The following PM20D2 variants were observed in gnomAD, a reference collection of about 807,000 sequenced individuals.
PM20D2 encodes xaa-Arg dipeptidase.
A neutral mutation model predicts 42.9 loss-of-function variants in PM20D2; 33 were observed. That is an observed-to-expected ratio of 0.77 (90% CI 0.58 to 1.03). The LOEUF is 1.03. PM20D2 is among the 50% of genes least tolerant of loss of function. PM20D2 has a pLI of 0.00. For missense variants in PM20D2, 548 were observed against 557.0 expected, an observed-to-expected ratio of 0.98 and a Z score of 0.16; for synonymous variants, 250 against 228.2, an observed-to-expected ratio of 1.10 and a Z score of -0.86.
chr6:89,115,636 T>A, the PM20D2 span, among the ~76,000 whole-genome samples: 4 of 143,844 alleles, frequency 2.8e-5, no homozygotes, highest in South Asian at 8.8e-4. Flanking sequence ...TCTTTCTTTT[T>A]TTTTTTTTTT....
the PM20D2 span, among the ~76,000 whole-genome samples, chr6:89,106,447 A>G: frequency 6.6e-6 from 1 of 152,206 alleles, no homozygotes; most frequent in Non-Finnish European, 1.5e-5. Flanking sequence ...GGATATAAAT[A>G]TAAAAGAAAC....
chr6:89,157,311 T>C (rs1771082199), intron 4 of PM20D2, among the ~76,000 whole-genome samples: 1 of 152,182 alleles, frequency 6.6e-6, no homozygotes, highest in Non-Finnish European at 1.5e-5. Context: ...TGTCATAATT[T>C]CTACCGTAGA....
At position 89,162,218 on chromosome 6, in the gene PM20D2, T is replaced by G. The variant is rs144587816; in HGVS notation, c.1266T>G (p.Phe422Leu). Residue 422 changes from phenylalanine (F) to leucine (L), a missense_variant, in exon 7 of 7, where the codon TTT (phenylalanine) becomes TTG (leucine). Around this residue, in one of 3 missense-constraint regions of PM20D2, gnomAD observed 71 missense variants for 69.7 expected, o/e 1.02. Coordinates refer to ENST00000275072, the MANE Select transcript of PM20D2 (RefSeq NM_001010853.3). ...PELLEGIRED[F>L]KLKLQEEQFV... ...TACTGGAAGGAATCAGAGAGGACTT[T>G]AAACTGAAACTTCAAGAAGAACAGT... The G allele has an allele frequency of 2.5e-6, 4 of 1,614,138 alleles. No individual in the cohort carries two copies. In the South Asian group the frequency reaches 4.4e-5, roughly 18 times the overall value.
At chr6:89,114,186 G>C in the PM20D2 span, among the ~76,000 whole-genome samples, 1 of 152,184 alleles carries the variant, frequency 6.6e-6, no homozygotes, top group Non-Finnish European at 1.5e-5. Context: ...CCAGTGCTTT[G>C]GGAGGCCAAG....
upstream of PM20D2, among the ~76,000 whole-genome samples, chr6:89,142,922 TGCTGGGATTACAGGTGTGCGC>T (rs1770383251): frequency 6.6e-6 from 1 of 152,096 alleles, no homozygotes; most frequent in Non-Finnish European, 1.5e-5. Flanking sequence ...CCTCCCAGAG[TGCTGGGATTACAGGTGTGCGC>T]CACCGCGCCC....
the PM20D2 span, chr6:89,107,310 A>G: frequency 6.9e-7 from 1 of 1,441,694 alleles, no homozygotes; most frequent in Admixed American, 1.9e-5. Flanking sequence ...GGATTAAAAT[A>G]TTTTGCCTAC....
At chr6:89,110,076 G>A in the PM20D2 span, among the ~76,000 whole-genome samples, 1 of 151,084 alleles carries the variant, frequency 6.6e-6, no homozygotes, top group Admixed American at 6.6e-5. Context: ...GGGCAACAGA[G>A]CAAGACTCTG....
At chr6:89,096,422 C>T in the PM20D2 span, 3 of 152,148 alleles carry the variant, frequency 2.0e-5, no homozygotes, top group African/African-American at 7.2e-5. Context: ...GAGTGAATAA[C>T]TTAAGACATA....
At position 89,153,033 on chromosome 6, in the gene PM20D2, T is replaced by C; in HGVS notation, c.615-10T>C. Reference sequence around the variant, plus strand: ...ACAAAAGTAATTTCAAATGATTTTTTATTTCCTAGTGTGACTGTGAAATAC... The same window carrying C: ...ACAAAAGTAATTTCAAATGATTTTTCATTTCCTAGTGTGACTGTGAAATAC... On this transcript the variant is annotated splice_polypyrimidine_tract_variant and intron_variant, in intron 2 of 6. Transcript: ENST00000275072. 3 of 1,567,722 alleles carry C rather than the reference T, an allele frequency of 1.9e-6. No individual in the cohort carries two copies. The highest frequency in any genetic ancestry group is 2.6e-6 in the Non-Finnish European group (3 of 1,157,930).
At position 89,150,291 on chromosome 6, in the gene PM20D2, A is replaced by C. The variant is rs149149237; in HGVS notation, c.614+878A>C. On this transcript the variant is annotated intron_variant, in intron 2 of 6. Coordinates refer to ENST00000275072, the MANE Select transcript of PM20D2 (RefSeq NM_001010853.3). ...AATTGGTACTGTGGCAGTAGGAGGA[A>C]TCTTTGAACTTTGGTTTCAAGGGTG... Among the ~76,000 whole-genome samples the C allele has an allele frequency of 8.0e-4, 122 of 152,252 alleles. 1 individual carries two copies. The highest frequency in any genetic ancestry group is 2.8e-3 in the African/African-American group (118 of 41,542).
In PM20D2 at chr6:89,163,270, T is replaced by A. The variant is rs1306733386; in HGVS notation, c.*1007T>A. On this transcript the variant is annotated 3_prime_UTR_variant, in exon 7 of 7. Coordinates refer to ENST00000275072, the MANE Select transcript of PM20D2 (RefSeq NM_001010853.3). Reference sequence around the variant, plus strand: ...ATTTTGTGTTTACAGTCATCTCTTGTACAACGTGGAGAAGAAAAGATATAC... The same window carrying A: ...ATTTTGTGTTTACAGTCATCTCTTGAACAACGTGGAGAAGAAAAGATATAC... 2.6e-5 allele frequency: 4 copies of A among 152,204 alleles called. No individual in the cohort carries two copies. Among genetic ancestry groups the A allele is most frequent in the African/African-American group, 9.7e-5 (4 of 41,450 alleles). The allele number at this position is 152,204 out of a possible 1,614,324, so 9.4% of individuals were successfully genotyped here. A position where few individuals can be genotyped will look rare whatever the true frequency, so the allele number is the denominator to read the frequency against.
chr6:89,099,439 T>TATATGTGTGTATATAC, the PM20D2 span, among the ~76,000 whole-genome samples: 6 of 127,466 alleles, frequency 4.7e-5, no homozygotes, highest in Admixed American at 1.6e-4. Context: ...TGTATATATA[T>TATATGTGTGTATATAC]ACACATATAT....
the PM20D2 span, among the ~76,000 whole-genome samples, chr6:89,099,538 G>GTA: frequency 2.1e-4 from 26 of 126,232 alleles, no homozygotes; most frequent in African/African-American, 5.1e-4. Context: ...ACACATACAT[G>GTA]TTTTTTTTTT....
At chr6:89,113,510 T>C in the PM20D2 span, among the ~76,000 whole-genome samples, 2 of 152,058 alleles carry the variant, frequency 1.3e-5, no homozygotes, top group African/African-American at 4.8e-5. Context: ...AGCTTCACTA[T>C]GTTAGCCAGG....
intron 4 of PM20D2, among the ~76,000 whole-genome samples, chr6:89,157,938 C>T (rs148473311): frequency 8.5e-5 from 13 of 152,238 alleles, no homozygotes; most frequent in Non-Finnish European, 1.3e-4. Flanking sequence ...ACCTGGGAGG[C>T]GGAGGTTGTG....
the PM20D2 span, chr6:89,117,886 A>T: frequency 6.4e-7 from 1 of 1,561,814 alleles, no homozygotes. Context: ...GTAGCGAGAC[A>T]TGACCGCTTC....
At chr6:89,094,293 G>A in the PM20D2 span, among the ~76,000 whole-genome samples, 4 of 151,104 alleles carry the variant, frequency 2.6e-5, no homozygotes, top group Admixed American at 6.6e-5. Context: ...CACCATCTTG[G>A]TTCACTGCAA....
the PM20D2 span, among the ~76,000 whole-genome samples, chr6:89,127,725 T>A: frequency 2.6e-5 from 4 of 152,270 alleles, no homozygotes; most frequent in African/African-American, 9.6e-5. Context: ...CACTGTCCAA[T>A]ACTGTGGCCA....
chr6:89,152,423 T>A (rs939307983), intron 2 of PM20D2, among the ~76,000 whole-genome samples: 21 of 152,228 alleles, frequency 1.4e-4, no homozygotes, highest in East Asian at 3.9e-4. Flanking sequence ...TTTTTTTTTT[T>A]AATTGTATTA....
Sources: gnomAD v4.1 joint callset for allele counts (sites outside exome capture counted in the v4.1 genomes callset) on GRCh38, gnomAD v4.1.1 for gene constraint, gnomAD v4.1.1 regional missense constraint, MANE v1.5 for transcripts, NCBI Gene and HGNC (gene_info 2026-07-23, HGNC 2026-07-21) for gene names.